Variants in PARVB observed in about 807,000 individuals in gnomAD.
The protein encoded by PARVB is parvin beta.
In PARVB, 46 loss-of-function variants were observed where a neutral mutation model predicts 47.0. The ratio of observed to expected loss-of-function variants is 0.98; its 90% CI spans 0.77 to 1.25. The LOEUF (loss-of-function observed/expected upper bound fraction) is 1.25. Ranked by LOEUF, PARVB falls within the 50% of genes most tolerant of loss-of-function variation. The probability of loss-of-function intolerance (pLI) is 0.00; values close to 1 mark genes in which losing one functional copy is unlikely to be tolerated. For missense variants in PARVB, 473 were observed against 471.6 expected (o/e 1.00, Z -0.03); for synonymous variants, 196 against 196.3 (o/e 1.00, Z 0.01).
chr22:44,046,798 G>A (rs1413555725), intron 1 of PARVB, among the ~76,000 whole-genome samples: 2 of 152,248 alleles, frequency 1.3e-5, no homozygotes, highest in Non-Finnish European at 2.9e-5. Context: ...ACAGTGTGGG[G>A]TGGCAGGAGA....
intron 2 of PARVB, among the ~76,000 whole-genome samples, chr22:44,095,229 G>A (rs1401705799): frequency 6.6e-6 from 1 of 152,040 alleles, no homozygotes; most frequent in Non-Finnish European, 1.5e-5. Context: ...AGAAAACAGG[G>A]CGGGCACGGT....
chr22:44,144,460 A>T (rs1007204372), intron 8 of PARVB: 2 of 152,198 alleles, frequency 1.3e-5, no homozygotes, highest in African/African-American at 2.4e-5. Flanking sequence ...TCTTCAAGAG[A>T]AGCCAGAAGT....
intron 8 of PARVB, chr22:44,145,617 C>G (rs1158540701): frequency 6.6e-6 from 1 of 152,408 alleles, no homozygotes; most frequent in African/African-American, 2.4e-5. Flanking sequence ...TTCCAAATGC[C>G]CTTGGGTCCT....
intron 1 of PARVB, among the ~76,000 whole-genome samples, chr22:44,079,684 T>G (rs1248017377): frequency 2.6e-5 from 4 of 152,116 alleles, no homozygotes; most frequent in African/African-American, 7.2e-5. Flanking sequence ...ACATTACACT[T>G]TGGGAGGCCG....
intron 2 of PARVB, among the ~76,000 whole-genome samples, chr22:44,015,213 A>T (rs2050563416): frequency 6.6e-6 from 1 of 152,108 alleles, no homozygotes; most frequent in Admixed American, 6.5e-5. Context: ...TACAGGAGAT[A>T]GAAAGAAATT....
intron 1 of PARVB, among the ~76,000 whole-genome samples, chr22:44,087,708 T>TAAA (rs72494364): frequency 6.8e-6 from 1 of 146,054 alleles, no homozygotes; most frequent in Non-Finnish European, 1.5e-5. Flanking sequence ...AGAAGAAGAT[T>TAAA]AAAAAAAAAA....
intron 3 of PARVB, among the ~76,000 whole-genome samples, chr22:44,100,540 C>T (rs1485574064): frequency 6.6e-6 from 1 of 152,260 alleles, no homozygotes; most frequent in Middle Eastern, 3.4e-3. Context: ...TGGCCAGGAG[C>T]CATCTGATGC....
chr22:44,065,194 C>T (rs2051495443), intron 1 of PARVB, among the ~76,000 whole-genome samples: 2 of 152,082 alleles, frequency 1.3e-5, no homozygotes, highest in East Asian at 1.9e-4. Context: ...CTATCTGCTT[C>T]GTCTTCCCCA....
At position 44,049,767 on chromosome 22, in the gene PARVB, A is replaced by G. The variant is rs1202866114; in HGVS notation, c.112+25316A>G. 6.6e-6 allele frequency among the ~76,000 whole-genome samples: 1 copy of G among 152,264 alleles called. No individual in the cohort carries two copies. The highest frequency in any genetic ancestry group is 2.4e-5 in the African/African-American group (1 of 41,484). On this transcript the variant is annotated intron_variant, in intron 1 of 12. Coordinates refer to ENST00000338758, the MANE Select transcript of PARVB (RefSeq NM_013327.5). This position sits in a 1 kb window ranked among gnomAD's most constrained non-coding sequence, Gnocchi z 4.0. The stretch of plus-strand genomic sequence containing the variant: ...ATTGGTGCTTTCTTCCTATTAAAGC[A>G]GGAGACCTCTGCCCGGGAACGGGCC...
intron 7 of PARVB, chr22:44,138,894 C>T (rs889367367): frequency 7.9e-5 from 12 of 152,232 alleles, no homozygotes; most frequent in African/African-American, 2.2e-4. Context: ...ATAGTAGGTA[C>T]TCAAGTAAGT....
intron 1 of PARVB, among the ~76,000 whole-genome samples, chr22:44,067,102 A>G: frequency 6.6e-6 from 1 of 152,044 alleles, no homozygotes; most frequent in East Asian, 1.9e-4. Flanking sequence ...TTGGCCTCCC[A>G]ATGTGCTGGG....
chr22:44,049,690 A>C lies in PARVB; in HGVS notation c.112+25239A>C, dbSNP rs2051173460. On this transcript the variant is annotated intron_variant, in intron 1 of 12. Coordinates refer to ENST00000338758, the MANE Select transcript of PARVB (RefSeq NM_013327.5). This position sits in a 1 kb window ranked among gnomAD's most constrained non-coding sequence, Gnocchi z 4.0. ...CCCTGTTTCTGAGCATGTTGCAAGG[A>C]ACCCTAGGGGCTGCCATAGCCCTGG... is the stretch of plus-strand genomic sequence containing the variant. Among the ~76,000 whole-genome samples the C allele has an allele frequency of 6.6e-6, 1 of 152,240 alleles. No individual in the cohort carries two copies. Among genetic ancestry groups the C allele is most frequent in the Admixed American group, 6.5e-5 (1 of 15,284 alleles).
Position 44,013,498 on chromosome 22 carries a change from C to T in PARVB, c.211+13825C>T, listed in dbSNP as rs568257353. 7.2e-5 allele frequency among the ~76,000 whole-genome samples: 11 copies of T among 152,326 alleles called. No individual in the cohort carries two copies. In the East Asian group the frequency reaches 7.7e-4, roughly 11 times the overall value. On this transcript the variant is annotated intron_variant, in intron 2 of 13. Coordinates refer to the PARVB transcript ENST00000406477. ...GGGAGATCCTCAGTGCCCCTCACCA[C>T]GCCGGCGAAGCCACTATCAACACAG...
At chr22:44,069,630 G>C (rs2051609839) in intron 1 of PARVB, among the ~76,000 whole-genome samples, 1 of 152,124 alleles carries the variant, frequency 6.6e-6, no homozygotes, top group African/African-American at 2.4e-5. Context: ...CCAGGTTCAA[G>C]TGATCCTCCT....
intron 1 of PARVB, among the ~76,000 whole-genome samples, chr22:44,054,643 G>T (rs915996520): frequency 3.3e-5 from 5 of 152,166 alleles, no homozygotes; most frequent in African/African-American, 1.2e-4. Context: ...GGATAACAGC[G>T]ATGGTGGCAC....
rs929872725 is a variant in PARVB at position 44,057,455 on chromosome 22, C to T, written c.112+33004C>T. On this transcript the variant is annotated intron_variant, in intron 1 of 12. Transcript: ENST00000338758. ...GCTCATGCTGGATTTCACCCAAGAG[C>T]GAGGCCCGAGGAGAGCTGGGACGCT... 6.6e-5 allele frequency among the ~76,000 whole-genome samples: 10 copies of T among 152,164 alleles called. 1 individual carries two copies. In the South Asian group the frequency reaches 1.5e-3, roughly 22 times the overall value.
At chr22:44,016,257 C>T (rs755545768) in intron 2 of PARVB, among the ~76,000 whole-genome samples, 30 of 151,944 alleles carry the variant, frequency 2.0e-4, no homozygotes, top group Admixed American at 1.2e-3. Flanking sequence ...CCACCAGGCC[C>T]AGCTAATTTT....
chr22:44,165,757 G>A (rs576228021), intron 12 of PARVB, among the ~76,000 whole-genome samples: 1 of 152,224 alleles, frequency 6.6e-6, no homozygotes, highest in African/African-American at 2.4e-5. Flanking sequence ...CAGGGCCCAC[G>A]GGCAGTGCCA....
At chr22:44,023,538 AAAATAAAATAAAAT>A (rs1157057981), upstream of PARVB, among the ~76,000 whole-genome samples, 6 of 17,902 alleles carry the variant, frequency 3.4e-4, no homozygotes, top group African/African-American at 1.9e-3. Context: ...AAAACAAAAC[AAAATAAAATAAAAT>A]AAAATAAAAT....
Sources: gnomAD v4.1 joint callset for allele counts (sites outside exome capture counted in the v4.1 genomes callset) on GRCh38, gnomAD v4.1.1 for gene constraint, Gnocchi (gnomAD v3.1) non-coding constraint, MANE v1.5 for transcripts, NCBI Gene and HGNC (gene_info 2026-07-23, HGNC 2026-07-21) for gene names.